The following REST variants were observed in gnomAD, a reference collection of about 807,000 sequenced individuals.
The protein encoded by REST is RE1 silencing transcription factor.
A neutral mutation model predicts 30.4 loss-of-function variants in REST; 1 was observed. The ratio of observed to expected loss-of-function variants is 0.03; its 90% CI spans 0.01 to 0.16. The LOEUF is 0.16. Among genes scored for constraint, REST ranks in the 10% least tolerant of loss-of-function variants. REST has a pLI of 1.00. For synonymous variants in REST, 504 were observed against 451.1 expected, an observed-to-expected ratio of 1.12 and a Z score of -1.49; for missense variants, 1,259 against 1,329.5, an observed-to-expected ratio of 0.95 and a Z score of 0.82.
chr4:56,931,330 T>C lies in REST; in HGVS notation c.2472T>C (p.Ser824=). 1.2e-6 allele frequency: 2 copies of C among 1,614,248 alleles called. No individual in the cohort carries two copies. Among genetic ancestry groups the C allele is most frequent in the Non-Finnish European group, 1.7e-6 (2 of 1,180,046 alleles). The change falls in exon 4 of 4, where the codon TCT becomes TCC. Residue 824 remains serine (S), a synonymous_variant. Coordinates refer to ENST00000309042, the MANE Select transcript of REST (RefSeq NM_005612.5). ...PPLRKDKKEK[S]NMQSERARKE... ...TCCGAAAAGATAAAAAGGAAAAGTC[T>C]AACATGCAGAGTGAAAGGGCACGGA...
chr4:56,908,612 C>A (rs1197031982), intron 1 of REST, among the ~76,000 whole-genome samples: 1 of 152,064 alleles, frequency 6.6e-6, no homozygotes, highest in African/African-American at 2.4e-5. Flanking sequence ...CCACCGCAGC[C>A]CCGCGCCGGC....
intron 3 of REST, among the ~76,000 whole-genome samples, chr4:56,925,520 C>G (rs1720661310): frequency 6.6e-6 from 1 of 152,096 alleles, no homozygotes; most frequent in Non-Finnish European, 1.5e-5. Context: ...GGCCATTCTT[C>G]TAAGAATATT....
intron 1 of REST, 39 bp from the exon 2 acceptor site, chr4:56,910,591 T>G: frequency 6.5e-7 from 1 of 1,534,016 alleles, no homozygotes; most frequent in Non-Finnish European, 8.8e-7. Flanking sequence ...ACAGTAGTGT[T>G]TAAACTGGTG....
rs1358594587 is a variant in REST, at chr4:56,911,051, A to G, written c.413A>G (p.Lys138Arg). 1 of 1,614,012 alleles carries G rather than the reference A, an allele frequency of 6.2e-7. No homozygotes were observed. Among genetic ancestry groups the G allele is most frequent in the Admixed American group, 1.7e-5 (1 of 59,986 alleles). ...SGAPDIYSSN[K>R]DLPPETPGAE... Reference sequence around the variant, plus strand: ...GCTCCAGATATTTACAGTTCAAATAAAGATCTTCCCCCTGAAACACCTGGA... The same window carrying G: ...GCTCCAGATATTTACAGTTCAAATAGAGATCTTCCCCCTGAAACACCTGGA... Residue 138 changes from lysine to arginine, a missense_variant, in exon 2 of 4, where the codon AAA becomes AGA. Transcript: ENST00000309042.
At chr4:56,914,527 A>AG (rs1359517942) in intron 2 of REST, among the ~76,000 whole-genome samples, 2 of 152,040 alleles carry the variant, frequency 1.3e-5, no homozygotes, top group African/African-American at 2.4e-5. Context: ...AAAATACATA[A>AG]AGTAGGAAAT....
intron 2 of REST, 86 bp from the exon 3 acceptor site, chr4:56,919,701 C>T (rs760101991): frequency 1.5e-5 from 11 of 719,178 alleles, no homozygotes; most frequent in South Asian, 7.3e-5. Flanking sequence ...ATGTGCTGAG[C>T]GCTGAACATT....
At position 56,932,393 on chromosome 4, in the gene REST, TAGA is replaced by T. The variant is rs1721007454; in HGVS notation, c.*244_*246del. ...GTTAGCTTATGTGTTTAATTGAAAT[TAGA>T]AGGCTAAGATGGTATAACAGCATTT... On this transcript the variant is annotated 3_prime_UTR_variant, in exon 4 of 4. Transcript: ENST00000309042. 2.4e-6 allele frequency: 1 copy of T among 410,294 alleles called. No homozygotes were observed. The highest frequency in any genetic ancestry group is 4.1e-5 in the Admixed American group (1 of 24,466). 25.4% of individuals were successfully genotyped at this position (410,294 alleles called of 1,614,324 possible).
intron 2 of REST, among the ~76,000 whole-genome samples, chr4:56,918,504 T>C (rs1346386737): frequency 1.3e-5 from 2 of 152,106 alleles, no homozygotes; most frequent in Non-Finnish European, 2.9e-5. Flanking sequence ...TAAAAAACAA[T>C]AAAAAGAAAA....
chr4:56,909,277 C>CA (rs1375209238), intron 1 of REST: 3 of 152,396 alleles, frequency 2.0e-5, no homozygotes, highest in South Asian at 4.1e-4. Context: ...CCCGAGTTTG[C>CA]AAAGAGCTGC....
intron 3 of REST, among the ~76,000 whole-genome samples, chr4:56,921,443 G>A (rs1720448759): frequency 6.6e-6 from 1 of 151,804 alleles, no homozygotes; most frequent in Non-Finnish European, 1.5e-5. Flanking sequence ...GAGTCTTGCT[G>A]TATCCCCCAG....
chr4:56,918,725 G>A (rs910065169), intron 2 of REST, among the ~76,000 whole-genome samples: 2 of 151,758 alleles, frequency 1.3e-5, no homozygotes, highest in South Asian at 2.1e-4. Context: ...GCTGGAGCAC[G>A]GTGGTACAAT....
In REST at chr4:56,909,804, A is replaced by G. The variant is rs183765615; in HGVS notation, c.-9-826A>G. 2.2e-4 allele frequency among the ~76,000 whole-genome samples: 34 copies of G among 152,358 alleles called. 1 individual carries two copies. The highest frequency in any genetic ancestry group is 6.5e-4 in the Admixed American group (10 of 15,304). ...AGGTGATCTTGTAATGGCTTCCACT[A>G]GGCAAGTAGGCCAAGTCAAGCACAA... On this transcript the variant is annotated intron_variant, in intron 1 of 3. Transcript: ENST00000309042.
intron 1 of REST, among the ~76,000 whole-genome samples, chr4:56,909,925 A>G (rs1170240309): frequency 6.6e-6 from 1 of 152,248 alleles, no homozygotes; most frequent in Admixed American, 6.5e-5. Flanking sequence ...CAGCCTGCAG[A>G]AAAATAAGCT....
In REST at chr4:56,929,974, T is replaced by C; in HGVS notation, c.1116T>C (p.Asp372=). The part of the protein sequence containing the change: ...NCPHCDYKTA[D]RSNFKKHVEL... The stretch of plus-strand genomic sequence containing the variant: ...CACACTGTGATTACAAAACAGCAGA[T>C]AGAAGCAACTTCAAAAAACATGTAG... The change falls in exon 4 of 4, where the codon GAT becomes GAC. Residue 372 remains aspartate, a synonymous_variant. Coordinates refer to ENST00000309042, the MANE Select transcript of REST (RefSeq NM_005612.5). The C allele has an allele frequency of 6.2e-7, 1 of 1,614,186 alleles. No individual in the cohort carries two copies. Among genetic ancestry groups the C allele is most frequent in the Non-Finnish European group, 8.5e-7 (1 of 1,180,044 alleles).
Position 56,931,548 on chromosome 4 carries a change from T to C in REST, c.2690T>C (p.Val897Ala). 6.2e-7 allele frequency: 1 copy of C among 1,614,122 alleles called. No individual in the cohort carries two copies. The highest frequency in any genetic ancestry group is 1.3e-5 in the African/African-American group (1 of 75,028). ...EGNKEAPLQK[V>A]GAEEADESLP... is the part of the protein sequence containing the mutation. ...AATAAAGAAGCCCCTCTTCAGAAAG[T>C]AGGAGCAGAAGAGGCAGATGAGAGC... Residue 897 changes from valine (V) to alanine (A), a missense_variant, in exon 4 of 4, where the codon GTA becomes GCA. By Grantham distance (64) the Val-to-Ala change is moderately conservative. Coordinates refer to ENST00000309042, the MANE Select transcript of REST (RefSeq NM_005612.5).
Position 56,935,664 on chromosome 4 carries a change from T to C in REST, c.*3512T>C, listed in dbSNP as rs1257452688. ...TTAGCAGCATTTGATGGAAGATCTT[T>C]TATACATTTGTAATAGATAAAAATA... On this transcript the variant is annotated 3_prime_UTR_variant, in exon 4 of 4. Transcript: ENST00000309042. The C allele has an allele frequency of 2.6e-5, 4 of 152,242 alleles. No homozygotes were observed. Among genetic ancestry groups the C allele is most frequent in the African/African-American group, 9.6e-5 (4 of 41,462 alleles). 9.4% of individuals were successfully genotyped at this position (152,242 alleles called of 1,614,324 possible).
intron 2 of REST, 82 bp downstream of exon 2, chr4:56,911,618 A>C (rs1560442490): frequency 8.7e-7 from 1 of 1,149,174 alleles, no homozygotes; most frequent in Non-Finnish European, 1.2e-6. Flanking sequence ...TGCTTGAGAA[A>C]AAGGACTCTG....
chr4:56,922,124 G>A (rs1024122171), intron 3 of REST, among the ~76,000 whole-genome samples: 6 of 152,028 alleles, frequency 3.9e-5, no homozygotes, highest in Admixed American at 1.3e-4. Flanking sequence ...ATTGAGTGGT[G>A]CCACTTAACC....
In REST at chr4:56,932,034, A is replaced by G. The variant is rs1464097351; in HGVS notation, c.3176A>G (p.Asp1059Gly). 6.2e-7 allele frequency: 1 copy of G among 1,614,078 alleles called. No individual in the cohort carries two copies. The highest frequency in any genetic ancestry group is 1.3e-5 in the African/African-American group (1 of 74,922). ...TTGGCAGTCAAAGCGGCTAAGGGAG[A>G]TTTTGTTTGTATCTTCTGTGATCGT... ...EALAVKAAKG[D>G]FVCIFCDRSF... Residue 1059 changes from aspartate to glycine, a missense_variant, in exon 4 of 4, where the codon GAT becomes GGT. Asp to Gly is a moderately conservative substitution (Grantham distance 94, BLOSUM62 -1). Transcript: ENST00000309042.
Sources: gnomAD v4.1 joint callset for allele counts (sites outside exome capture counted in the v4.1 genomes callset) on GRCh38, gnomAD v4.1.1 for gene constraint, MANE v1.5 for transcripts, NCBI Gene and HGNC (gene_info 2026-07-23, HGNC 2026-07-21) for gene names.